Variants in NRG1 observed in about 807,000 individuals in gnomAD.
The protein encoded by NRG1 is neuregulin 1, also known as pro-neuregulin-1, membrane-bound isoform.
NRG1 carries 18 observed loss-of-function variants against 63.8 expected under a neutral mutation model. The observed-to-expected ratio is 0.28, with a 90% CI of 0.19 to 0.42. The LOEUF (loss-of-function observed/expected upper bound fraction) is 0.42, where lower values mean the gene tolerates loss of function less well. Ranked by LOEUF, NRG1 falls within the 10% of genes least tolerant of loss-of-function variation. The pLI is 1.00. For missense variants in NRG1, 762 were observed against 814.7 expected (o/e 0.94, Z 0.79); for synonymous variants, 302 against 301.3 (o/e 1.00, Z -0.02).
At chr8:32,647,662 C>G in intron 5 of NRG1, 9 of 1,501,372 alleles carry the variant, frequency 6.0e-6, no homozygotes, top group African/African-American at 1.4e-5. Flanking sequence ...GTTGGGGGGG[C>G]CTCTGCGTGG....
At chr8:31,825,554 A>C (rs1430319926) in intron 1 of NRG1, among the ~76,000 whole-genome samples, 1 of 152,160 alleles carries the variant, frequency 6.6e-6, no homozygotes, top group East Asian at 1.9e-4. Context: ...GGTCAGGACT[A>C]TTGTTTTCTC....
rs151312958 is a variant in NRG1 at position 31,896,377 on chromosome 8, A to G, written c.37+256946A>G. ...AAGTCCAAACTCTTTAACATGATAC[A>G]TAAGACTTTCACTATCCGGGGACCC... On this transcript the variant is annotated intron_variant, in intron 1 of 10. Transcript: ENST00000519301. Among the ~76,000 whole-genome samples, 205 of 152,342 alleles carry G rather than the reference A, an allele frequency of 1.3e-3. 1 individual carries two copies. The highest frequency in any genetic ancestry group is 4.5e-3 in the African/African-American group (189 of 41,578).
intron 1 of NRG1, among the ~76,000 whole-genome samples, chr8:31,891,437 G>A (rs1416122998): frequency 1.3e-5 from 2 of 152,096 alleles, no homozygotes; most frequent in Admixed American, 6.6e-5. Flanking sequence ...CTACAATGAG[G>A]TATCACTATC....
chr8:32,317,338 A>G (rs1563308099), intron 1 of NRG1, among the ~76,000 whole-genome samples: 1 of 152,202 alleles, frequency 6.6e-6, no homozygotes, highest in Non-Finnish European at 1.5e-5. Context: ...CAAGACACTC[A>G]GGAGAAAGTG....
At chr8:31,997,180 TA>T (rs1812133311) in intron 1 of NRG1, among the ~76,000 whole-genome samples, 1 of 108,564 alleles carries the variant, frequency 9.2e-6, no homozygotes, top group African/African-American at 3.6e-5. Flanking sequence ...CTATATAGTG[TA>T]ACCTTTTTTT....
chr8:32,314,820 A>G (rs755039027), intron 1 of NRG1, among the ~76,000 whole-genome samples: 2 of 152,118 alleles, frequency 1.3e-5, no homozygotes, highest in African/African-American at 2.4e-5. Flanking sequence ...AGCCTCTTCC[A>G]TAATCGCTCC....
intron 5 of NRG1, chr8:32,721,925 CT>C: frequency 6.6e-7 from 1 of 1,511,004 alleles, no homozygotes; most frequent in African/African-American, 1.4e-5. Context: ...CTCATTATAC[CT>C]AATTGCAAAG....
intron 1 of NRG1, among the ~76,000 whole-genome samples, chr8:32,403,385 G>T (rs1813503619): frequency 6.6e-6 from 1 of 151,552 alleles, no homozygotes; most frequent in Admixed American, 6.6e-5. Context: ...TAGCCTTCCT[G>T]TTATTTCTTC....
intron 1 of NRG1, among the ~76,000 whole-genome samples, chr8:31,741,926 A>G (rs749177530): frequency 1.3e-5 from 2 of 152,036 alleles, no homozygotes; most frequent in Non-Finnish European, 2.9e-5. Flanking sequence ...AAACTGAAAA[A>G]AACTGCAACT....
intron 1 of NRG1, among the ~76,000 whole-genome samples, chr8:32,391,293 G>A (rs1472576222): frequency 6.6e-6 from 1 of 151,912 alleles, no homozygotes; most frequent in Admixed American, 6.6e-5. Context: ...ACCATGCTCA[G>A]GTAGGGTTTT....
chr8:32,764,564 G>A (rs1831270549), exon 12 of NRG1: 1 of 582,140 alleles, frequency 1.7e-6, no homozygotes, highest in Non-Finnish European at 2.7e-6. Flanking sequence ...TGTGTTATGT[G>A]CCATATGTAG....
intron 1 of NRG1, among the ~76,000 whole-genome samples, chr8:32,267,674 G>A (rs933923506): frequency 2.3e-4 from 35 of 152,098 alleles, no homozygotes; most frequent in Non-Finnish European, 5.9e-5. Flanking sequence ...GTGTTGTGAT[G>A]TTTTCTGTTT....
At chr8:32,097,246 T>C (rs893112292) in intron 1 of NRG1, among the ~76,000 whole-genome samples, 4 of 152,244 alleles carry the variant, frequency 2.6e-5, no homozygotes, top group South Asian at 2.1e-4. Context: ...CATTTACTCA[T>C]TGATGGATAT....
chr8:32,204,232 A>C (rs1843787788), intron 1 of NRG1, among the ~76,000 whole-genome samples: 2 of 152,220 alleles, frequency 1.3e-5, no homozygotes, highest in Admixed American at 1.3e-4. Flanking sequence ...TTGCTTGCAA[A>C]AACTTCAGCT....
chr8:31,837,443 G>A (rs114889301), intron 1 of NRG1, among the ~76,000 whole-genome samples: 2,481 of 152,050 alleles, frequency 0.016, 65 homozygotes, highest in African/African-American at 0.056. Flanking sequence ...TGTACATATT[G>A]TGAAATAATC....
intron 5 of NRG1, among the ~76,000 whole-genome samples, chr8:32,639,186 A>G (rs1851867205): frequency 6.6e-6 from 1 of 152,100 alleles, no homozygotes; most frequent in Non-Finnish European, 1.5e-5. Flanking sequence ...TGGGCGGATC[A>G]CCTGAGGTCA....
intron 1 of NRG1, among the ~76,000 whole-genome samples, chr8:31,844,520 G>A (rs1826490446): frequency 6.6e-6 from 1 of 151,976 alleles, no homozygotes; most frequent in Admixed American, 6.5e-5. Context: ...ACCTCAAAAG[G>A]AAAAAATAGT....
chr8:32,277,092 T>C (rs6988818), intron 1 of NRG1, among the ~76,000 whole-genome samples: 23,997 of 152,220 alleles, frequency 0.16, 3,071 homozygotes, highest in African/African-American at 0.35. Flanking sequence ...CTATCCATGA[T>C]GCACATATTA....
chr8:32,655,229 G>T (rs1445408390), intron 5 of NRG1, among the ~76,000 whole-genome samples: 2 of 152,134 alleles, frequency 1.3e-5, no homozygotes, highest in Non-Finnish European at 2.9e-5. Flanking sequence ...ACATTTTGGG[G>T]TTTTAGGGGA....
Sources: gnomAD v4.1 joint callset for allele counts (sites outside exome capture counted in the v4.1 genomes callset) on GRCh38, gnomAD v4.1.1 for gene constraint, MANE v1.5 for transcripts, NCBI Gene and HGNC (gene_info 2026-07-23, HGNC 2026-07-21) for gene names.